Variants in ADPRH observed in about 807,000 individuals in gnomAD.
The protein encoded by ADPRH is ADP-ribose-L-arginine cleaving enzyme.
In ADPRH, 27 loss-of-function variants were observed where a neutral mutation model predicts 28.8. The observed-to-expected ratio is 0.94, with a 90% CI of 0.69 to 1.29. The LOEUF is 1.29. ADPRH is among the 50% of genes most tolerant of loss of function. The pLI, the probability that ADPRH is intolerant of heterozygous loss-of-function variation, is 0.00. For synonymous variants in ADPRH, 161 were observed against 166.9 expected (o/e 0.96, Z 0.27); for missense variants, 419 against 444.8 (o/e 0.94, Z 0.52).
At chr3:119,585,752 T>C (rs1421669207) in intron 3 of ADPRH, among the ~76,000 whole-genome samples, 1 of 152,162 alleles carries the variant, frequency 6.6e-6, no homozygotes, top group Non-Finnish European at 1.5e-5. Flanking sequence ...AGTTTCACCG[T>C]GTTAGCCAGG....
chr3:119,589,319 G>T lies in ADPRH; in HGVS notation c.*1441G>T, dbSNP rs1361504404. 1 of 152,280 alleles carries T rather than the reference G, an allele frequency of 6.6e-6. No individual in the cohort carries two copies. The highest frequency in any genetic ancestry group is 1.5e-5 in the Non-Finnish European group (1 of 68,098). The allele number at this position is 152,280 out of a possible 1,614,324, so 9.4% of individuals were successfully genotyped here. ...TTGGTCACCCTCAGTCCAGCCAGTG[G>T]GCTTGCTCTCATTTGGCCTGTTCTC... On this transcript the variant is annotated 3_prime_UTR_variant, in exon 5 of 5. Transcript: ENST00000357003.
intron 4 of ADPRH, 113 bp downstream of exon 4, chr3:119,586,758 C>T: frequency 1.4e-6 from 2 of 1,440,574 alleles, no homozygotes; most frequent in Non-Finnish European, 1.9e-6. Context: ...TGGTTTTCAC[C>T]CCCAGCCCCC....
chr3:119,581,714 C>T (rs1292911020), intron 2 of ADPRH, among the ~76,000 whole-genome samples: 1 of 152,196 alleles, frequency 6.6e-6, no homozygotes, highest in Non-Finnish European at 1.5e-5. Flanking sequence ...AAGTGTAAAG[C>T]CTTGCACTTC....
Position 119,588,895 on chromosome 3 carries a change from TG to T in ADPRH, c.*1018del, listed in dbSNP as rs2082490076. ...CCAATAGGCATTAATCAGTATCTATTGAGTGTTATGAACTAGCCTCCTAGCT... is the reference window on the plus strand; with the variant it reads ...CCAATAGGCATTAATCAGTATCTATTAGTGTTATGAACTAGCCTCCTAGCT... On this transcript the variant is annotated 3_prime_UTR_variant, in exon 5 of 5. Transcript: ENST00000357003. 1 of 152,272 alleles carries T rather than the reference TG, an allele frequency of 6.6e-6. No homozygotes were observed. Among genetic ancestry groups the T allele is most frequent in the Non-Finnish European group, 1.5e-5 (1 of 68,062 alleles). 9.4% of individuals were successfully genotyped at this position (152,272 alleles called of 1,614,324 possible).
In ADPRH at chr3:119,588,486, G is replaced by A. The variant is rs1348634119; in HGVS notation, c.*608G>A. The stretch of plus-strand genomic sequence containing the variant: ...GACACTGGTTGAGGACCACTGCCAG[G>A]GATGCTAACTCCCTGGTAATTCTTG... On this transcript the variant is annotated 3_prime_UTR_variant, in exon 5 of 5. Transcript: ENST00000357003. 2 of 152,156 alleles carry A rather than the reference G, an allele frequency of 1.3e-5. No homozygotes were observed. Among genetic ancestry groups the A allele is most frequent in the Non-Finnish European group, 2.9e-5 (2 of 68,048 alleles). The allele number at this position is 152,156 out of a possible 1,614,324, so 9.4% of individuals were successfully genotyped here. A position where few individuals can be genotyped will look rare whatever the true frequency, so the allele number is the denominator to read the frequency against.
Position 119,589,473 on chromosome 3 carries a change from A to G in ADPRH, c.*1595A>G, listed in dbSNP as rs569955856. The stretch of plus-strand genomic sequence containing the variant: ...AGCGGTGGGTAAATGAGGTCTGATG[A>G]TAGCAGTCCTGCCACCTTCTAGTTC... On this transcript the variant is annotated 3_prime_UTR_variant, in exon 5 of 5. Transcript: ENST00000357003. 2.0e-5 allele frequency: 3 copies of G among 152,226 alleles called. No homozygotes were observed. The highest frequency in any genetic ancestry group is 1.9e-4 in the East Asian group (1 of 5,176). 9.4% of individuals were successfully genotyped at this position (152,226 alleles called of 1,614,324 possible).
chr3:119,582,058 CAT>C (rs2082409551), intron 2 of ADPRH, 74 bp from the exon 3 acceptor site: 1 of 1,186,254 alleles, frequency 8.4e-7, no homozygotes, highest in South Asian at 1.5e-5. Context: ...CTCAATAAAA[CAT>C]AGCTAGAGTC....
At chr3:119,585,141 A>G (rs182655831) in intron 3 of ADPRH, among the ~76,000 whole-genome samples, 1 of 152,280 alleles carries the variant, frequency 6.6e-6, no homozygotes, top group Admixed American at 6.5e-5. Flanking sequence ...CACCCCAAGG[A>G]TTGGCTTTAG....
chr3:119,585,037 A>G (rs955204997), intron 3 of ADPRH, among the ~76,000 whole-genome samples: 2 of 152,184 alleles, frequency 1.3e-5, no homozygotes, highest in Non-Finnish European at 2.9e-5. Flanking sequence ...AAATCGAGGT[A>G]CTTAGAGCTA....
At chr3:119,586,711 A>C in intron 4 of ADPRH, 66 bp downstream of exon 4, 1 of 1,576,830 alleles carries the variant, frequency 6.3e-7, no homozygotes, top group Non-Finnish European at 8.6e-7. Context: ...CCACCTGCAC[A>C]TATATGTCTT....
Position 119,588,676 on chromosome 3 carries a change from C to T in ADPRH, c.*798C>T, listed in dbSNP as rs1258085353. 1 of 152,270 alleles carries T rather than the reference C, an allele frequency of 6.6e-6. No homozygotes were observed. Among genetic ancestry groups the T allele is most frequent in the Non-Finnish European group, 1.5e-5 (1 of 68,088 alleles). 9.4% of individuals were successfully genotyped at this position (152,270 alleles called of 1,614,324 possible). A position where few individuals can be genotyped will look rare whatever the true frequency, so the allele number is the denominator to read the frequency against. ...CCTAAATATACTCTGAATCTATCAC[C>T]TCTATTGCCTTCTTGCACTGAGGAT... On this transcript the variant is annotated 3_prime_UTR_variant, in exon 5 of 5. Coordinates refer to ENST00000357003, the MANE Select transcript of ADPRH (RefSeq NM_001125.4).
At chr3:119,584,287 G>C (rs1216790514) in intron 3 of ADPRH, among the ~76,000 whole-genome samples, 1 of 151,926 alleles carries the variant, frequency 6.6e-6, no homozygotes, top group Non-Finnish European at 1.5e-5. Flanking sequence ...ATGCGGCTAG[G>C]CATGGTGGCT....
Position 119,582,399 on chromosome 3 carries a change from C to G in ADPRH, c.230C>G (p.Thr77Ser). 1 of 1,614,170 alleles carries G rather than the reference C, an allele frequency of 6.2e-7. No individual in the cohort carries two copies. Among genetic ancestry groups the G allele is most frequent in the East Asian group, 2.2e-5 (1 of 44,880 alleles). ...GAAGCTGGGAAAGCCCCTAAGTTGACTCAACTGTATTACCTCCTTGCTAAG... is the reference window on the plus strand; with the variant it reads ...GAAGCTGGGAAAGCCCCTAAGTTGAGTCAACTGTATTACCTCCTTGCTAAG... Reference protein sequence around the residue: ...LVEAGKAPKLTQLYYLLAKHY... With the variant: ...LVEAGKAPKLSQLYYLLAKHY... The change falls in exon 3 of 5, where the codon ACT (threonine) becomes AGT (serine). Residue 77 changes from threonine (T) to serine (S), a missense_variant. Transcript: ENST00000357003.
At chr3:119,584,322 G>A (rs547573523) in intron 3 of ADPRH, among the ~76,000 whole-genome samples, 4 of 152,004 alleles carry the variant, frequency 2.6e-5, no homozygotes, top group African/African-American at 9.6e-5. Context: ...AAGCACTTTG[G>A]GAGGCCAAGG....
intron 3 of ADPRH, 124 bp downstream of exon 3, chr3:119,582,591 AG>A: frequency 8.6e-7 from 1 of 1,158,988 alleles, no homozygotes; most frequent in Non-Finnish European, 1.2e-6. Context: ...TGATAAAAAT[AG>A]AAATAACGGC....
In ADPRH at chr3:119,587,934, T is replaced by C; in HGVS notation, c.*56T>C. 1 of 1,500,632 alleles carries C rather than the reference T, an allele frequency of 6.7e-7. No homozygotes were observed. The highest frequency in any genetic ancestry group is 8.9e-7 in the Non-Finnish European group (1 of 1,127,338). The allele number at this position is 1,500,632 out of a possible 1,614,324, so 93.0% of individuals were successfully genotyped here. A position where few individuals can be genotyped will look rare whatever the true frequency, so the allele number is the denominator to read the frequency against. Reference sequence around the variant, plus strand: ...TTCTTTTGTGTATTTCCTTTTCTGCTATTTCTTTTCAGTTTTTCCAAAGTC... The same window carrying C: ...TTCTTTTGTGTATTTCCTTTTCTGCCATTTCTTTTCAGTTTTTCCAAAGTC... On this transcript the variant is annotated 3_prime_UTR_variant, in exon 5 of 5. Coordinates refer to ENST00000357003, the MANE Select transcript of ADPRH (RefSeq NM_001125.4).
In ADPRH at chr3:119,586,603, T is replaced by C. The variant is rs2082463178; in HGVS notation, c.617T>C (p.Ile206Thr). 1.2e-6 allele frequency: 2 copies of C among 1,614,130 alleles called. No individual in the cohort carries two copies. The highest frequency in any genetic ancestry group is 1.7e-6 in the Non-Finnish European group (2 of 1,180,008). The change falls in exon 4 of 5, where the codon ATT becomes ACT. Residue 206 changes from isoleucine to threonine, a missense_variant. By Grantham distance (89) the Ile-to-Thr change is moderately conservative (BLOSUM62 -1). Coordinates refer to ENST00000357003, the MANE Select transcript of ADPRH (RefSeq NM_001125.4). ...CTGCTACCAGAAGCTAAAAAGTACA[T>C]TGTCCAATCAGGCTACTTTGTAGAG... ...MELLPEAKKYIVQSGYFVEEN... is the reference protein window; with the variant it reads ...MELLPEAKKYTVQSGYFVEEN...
intron 3 of ADPRH, among the ~76,000 whole-genome samples, chr3:119,584,481 T>C (rs909678766): frequency 1.3e-5 from 2 of 152,072 alleles, no homozygotes; most frequent in African/African-American, 4.8e-5. Context: ...GAGAATCACT[T>C]GAACCCCAGA....
chr3:119,584,548 G>C (rs1362675401), intron 3 of ADPRH, among the ~76,000 whole-genome samples: 4 of 152,164 alleles, frequency 2.6e-5, no homozygotes, highest in Non-Finnish European at 5.9e-5. Context: ...GGGCGACAGA[G>C]TGAGACCCCA....
Sources: allele counts gnomAD v4.1 joint callset (sites outside exome capture counted in the v4.1 genomes callset), GRCh38; gene constraint gnomAD v4.1.1; transcripts MANE v1.5; gene names NCBI Gene and HGNC (gene_info 2026-07-23, HGNC 2026-07-21).